TERF1: variants seen among roughly 807,000 people sequenced by gnomAD.
TERF1 encodes the protein telomeric repeat-binding factor 1.
TERF1 carries 20 observed loss-of-function variants against 55.1 expected under a neutral mutation model. The ratio of observed to expected loss-of-function variants is 0.36; its 90% CI spans 0.26 to 0.53. The LOEUF is 0.53. Ranked by LOEUF, TERF1 falls within the 20% of genes least tolerant of loss-of-function variation. The pLI, the probability that TERF1 is intolerant of heterozygous loss-of-function variation, is 0.91. For missense variants in TERF1, 439 were observed against 535.7 expected (o/e 0.82, Z 1.78); for synonymous variants, 168 against 181.2 (o/e 0.93, Z 0.59).
At chr8:73,021,580 ACT>A (rs773846129) in intron 3 of TERF1, among the ~76,000 whole-genome samples, 7 of 152,090 alleles carry the variant, frequency 4.6e-5, no homozygotes, top group Non-Finnish European at 1.0e-4. Flanking sequence ...TTCACATAAA[ACT>A]CTTACATCCT....
rs191822390 is a variant in TERF1, at chr8:73,028,358, A to G, written c.887+1306A>G. The stretch of plus-strand genomic sequence containing the variant: ...TCACACATCCAGCTGCTCTCCAAGT[A>G]TTAGGAACCGCACCTCAGAAATGCT... On this transcript the variant is annotated intron_variant, in intron 6 of 9. Coordinates refer to ENST00000276603, the MANE Select transcript of TERF1 (RefSeq NM_017489.3). 5.9e-5 allele frequency among the ~76,000 whole-genome samples: 9 copies of G among 152,272 alleles called. No homozygotes were observed. The East Asian group carries it at 1.7e-3, about 29-fold the overall frequency.
At chr8:73,019,486 C>G (rs1586035321) in intron 2 of TERF1, among the ~76,000 whole-genome samples, 1 of 152,296 alleles carries the variant, frequency 6.6e-6, no homozygotes, top group African/African-American at 2.4e-5. Flanking sequence ...CAACTACTTG[C>G]CTTTTCCATC....
At chr8:73,040,158 T>A (rs1431478108) in intron 9 of TERF1, among the ~76,000 whole-genome samples, 2 of 152,148 alleles carry the variant, frequency 1.3e-5, no homozygotes, top group Non-Finnish European at 2.9e-5. Context: ...ACTTCTACTT[T>A]TCATTTGCTT....
chr8:73,022,715 A>C lies in TERF1; in HGVS notation c.624+413A>C, dbSNP rs1280676338. 3.3e-5 allele frequency among the ~76,000 whole-genome samples: 5 copies of C among 152,172 alleles called. No homozygotes were observed. In the East Asian group the frequency reaches 5.8e-4, roughly 18 times the overall value. On this transcript the variant is annotated intron_variant, in intron 4 of 9. Coordinates refer to ENST00000276603, the MANE Select transcript of TERF1 (RefSeq NM_017489.3). Reference sequence around the variant, plus strand: ...TAATACCAGTACTTTAGGAGGCTGAAGCAGGAGGATCATTTGAGGTCAGTA... The same window carrying C: ...TAATACCAGTACTTTAGGAGGCTGACGCAGGAGGATCATTTGAGGTCAGTA...
intron 2 of TERF1, among the ~76,000 whole-genome samples, chr8:73,016,674 C>CAAAACTAG (rs1808520578): frequency 2.0e-5 from 3 of 152,176 alleles, no homozygotes; most frequent in African/African-American, 7.2e-5. Context: ...GTGATCCTCC[C>CAAAACTAG]GCCTAGGCCT....
At chr8:73,028,795 C>G (rs764219102) in intron 6 of TERF1, among the ~76,000 whole-genome samples, 17 of 152,096 alleles carry the variant, frequency 1.1e-4, no homozygotes, top group Non-Finnish European at 2.4e-4. Context: ...GTTGTTACTT[C>G]TGTGCTTTCA....
At chr8:73,013,634 A>G (rs1247365291) in intron 1 of TERF1, 2 of 314,394 alleles carry the variant, frequency 6.4e-6, no homozygotes, top group Non-Finnish European at 1.2e-5. Context: ...TTGTATCTAA[A>G]TCTTTTTTGT....
At chr8:73,024,734 T>A in intron 4 of TERF1, 88 bp from the exon 5 acceptor site, 1 of 968,648 alleles carries the variant, frequency 1.0e-6, no homozygotes, top group Non-Finnish European at 1.5e-6. Flanking sequence ...TAAAGTGATT[T>A]CTTTTCAATT....
At chr8:73,043,528 TTC>T (rs1181341374) in intron 9 of TERF1, among the ~76,000 whole-genome samples, 1 of 152,116 alleles carries the variant, frequency 6.6e-6, no homozygotes, top group African/African-American at 2.4e-5. Flanking sequence ...CATACATAGT[TTC>T]TGTTACATAT....
At chr8:73,013,840 T>C (rs1396027261) in intron 1 of TERF1, 55 bp from the exon 2 acceptor site, 2 of 1,077,570 alleles carry the variant, frequency 1.9e-6, no homozygotes, top group African/African-American at 3.2e-5. Flanking sequence ...AACCACACAG[T>C]GGCACTACTG....
At chr8:73,017,005 G>A (rs56382824) in intron 2 of TERF1, among the ~76,000 whole-genome samples, 3,870 of 152,170 alleles carry the variant, frequency 0.025, 181 homozygotes, top group African/African-American at 0.087. Context: ...CTTTAGCAAT[G>A]TGATTTTGGA....
chr8:73,044,985 A>G (rs1809975926), intron 9 of TERF1, among the ~76,000 whole-genome samples: 1 of 152,210 alleles, frequency 6.6e-6, no homozygotes, highest in African/African-American at 2.4e-5. Flanking sequence ...TGCTATGAAC[A>G]TGGATGTACA....
intron 9 of TERF1, among the ~76,000 whole-genome samples, chr8:73,044,164 C>T (rs1025805603): frequency 1.3e-5 from 2 of 152,018 alleles, no homozygotes; most frequent in African/African-American, 4.8e-5. Context: ...GAGTGAAGGC[C>T]GAGTCAGGCA....
chr8:73,046,173 G>A lies in TERF1; in HGVS notation c.*36G>A, dbSNP rs1347979192. The A allele has an allele frequency of 5.3e-6, 8 of 1,495,594 alleles. 1 individual carries two copies. The South Asian group carries it at 9.7e-5, about 18-fold the overall frequency. The allele number at this position is 1,495,594 out of a possible 1,614,324, so 92.6% of individuals were successfully genotyped here. A position where few individuals can be genotyped will look rare whatever the true frequency, so the allele number is the denominator to read the frequency against. On this transcript the variant is annotated 3_prime_UTR_variant, in exon 10 of 10. Transcript: ENST00000276603. ...AAAAGCTTGATGAAAGGACAGTTAA[G>A]TATTTTGATCACTGCATTTTGTTTG...
chr8:73,033,467 C>T (rs113379506), intron 8 of TERF1, among the ~76,000 whole-genome samples: 2,380 of 152,270 alleles, frequency 0.016, 57 homozygotes, highest in African/African-American at 0.055. Context: ...CAGTGGCTCA[C>T]GCCTATAGTC....
At chr8:73,039,807 G>A (rs1302159723) in intron 9 of TERF1, among the ~76,000 whole-genome samples, 1 of 146,000 alleles carries the variant, frequency 6.8e-6, no homozygotes, top group African/African-American at 2.7e-5. Context: ...GTGTGTGTGT[G>A]TGTGTGTGTT....
intron 2 of TERF1, 26 bp downstream of exon 2, chr8:73,014,016 T>C: frequency 6.6e-7 from 1 of 1,509,748 alleles, no homozygotes; most frequent in Non-Finnish European, 9.2e-7. Flanking sequence ...TATTTTATAT[T>C]GGAAATATTT....
At chr8:73,037,706 A>G (rs1264813904) in intron 8 of TERF1, among the ~76,000 whole-genome samples, 2 of 16,234 alleles carry the variant, frequency 1.2e-4, no homozygotes, top group Non-Finnish European at 3.9e-4. Context: ...GTATAATATT[A>G]TATTATATAT....
intron 3 of TERF1, 55 bp downstream of exon 3, chr8:73,020,860 G>A (rs1563459645): frequency 3.8e-6 from 4 of 1,060,876 alleles, no homozygotes; most frequent in East Asian, 2.7e-5. Context: ...ACATTTAAAA[G>A]AAATTAAGAG....
Sources: gnomAD v4.1 joint callset for allele counts (sites outside exome capture counted in the v4.1 genomes callset) on GRCh38, gnomAD v4.1.1 for gene constraint, MANE v1.5 for transcripts, NCBI Gene and HGNC (gene_info 2026-07-23, HGNC 2026-07-21) for gene names.